Variants in PCDHGB6 observed in about 807,000 individuals in gnomAD.
PCDHGB6 encodes protocadherin gamma subfamily B, 6, also known as protocadherin gamma-B6.
A neutral mutation model predicts 59.1 loss-of-function variants in PCDHGB6; 51 were observed. That is an observed-to-expected ratio of 0.86 (90% CI 0.69 to 1.09). The LOEUF is 1.09. Among genes scored for constraint, PCDHGB6 ranks in the 50% least tolerant of loss-of-function variants. The pLI is 0.00. For missense variants in PCDHGB6, 1,148 were observed against 1,205.1 expected, an observed-to-expected ratio of 0.95 and a Z score of 0.70; for synonymous variants, 466 against 495.1, an observed-to-expected ratio of 0.94 and a Z score of 0.78.
rs771088007 is a variant in PCDHGB6, at chr5:141,423,000, G to A, written c.2418+12380G>A. On this transcript the variant is annotated intron_variant, in intron 1 of 3. Transcript: ENST00000520790. ...CGGAACCTGGCTACCTGGTGACCAA[G>A]GTGGTTGCGGTGGACAAAGATTCAG... The A allele has an allele frequency of 9.3e-6, 15 of 1,614,116 alleles. No homozygotes were observed. The African/African-American group carries it at 1.9e-4, about 20-fold the overall frequency.
intron 1 of PCDHGB6, among the ~76,000 whole-genome samples, chr5:141,443,726 TAC>T: frequency 6.6e-6 from 1 of 152,262 alleles, no homozygotes; most frequent in Admixed American, 6.5e-5. Flanking sequence ...AAATTCCTCA[TAC>T]ATTTCCCTAT....
intron 1 of PCDHGB6, among the ~76,000 whole-genome samples, chr5:141,436,538 A>G (rs1353206648): frequency 6.6e-6 from 1 of 152,194 alleles, no homozygotes; most frequent in Admixed American, 6.5e-5. Context: ...CAAGTTATTT[A>G]ATCTCTTTGA....
rs1347087103 is a variant in PCDHGB6 at position 141,409,851 on chromosome 5, T to C, written c.1649T>C (p.Val550Ala). 4 of 1,612,112 alleles carry C rather than the reference T, an allele frequency of 2.5e-6. No homozygotes were observed. In the Admixed American group the frequency reaches 6.7e-5, roughly 27 times the overall value. Residue 550 changes from valine to alanine, a missense_variant, in exon 1 of 4, where the codon GTG (valine) becomes GCG (alanine). Val to Ala is a moderately conservative substitution (Grantham distance 64). Transcript: ENST00000520790. ...PTLSANVSLR[V>A]LVGDRNDNAP... is the part of the protein sequence containing the mutation. ...CTCAGCGCCAACGTGAGCCTGCGCG[T>C]GTTGGTGGGAGACCGCAATGACAAC...
chr5:141,496,163 A>T (rs1249396595), intron 2 of PCDHGB6, among the ~76,000 whole-genome samples: 2 of 150,100 alleles, frequency 1.3e-5, no homozygotes, highest in Non-Finnish European at 3.0e-5. Flanking sequence ...TCCACCAGAC[A>T]CCCTCCCATC....
intron 1 of PCDHGB6, among the ~76,000 whole-genome samples, chr5:141,450,487 G>A (rs1379694010): frequency 1.3e-5 from 2 of 151,938 alleles, no homozygotes; most frequent in African/African-American, 2.4e-5. Context: ...TTGTTTGTTT[G>A]TCTGTTTGTT....
intron 1 of PCDHGB6, among the ~76,000 whole-genome samples, chr5:141,430,014 G>A (rs925858697): frequency 6.6e-6 from 1 of 152,130 alleles, no homozygotes; most frequent in South Asian, 2.1e-4. Context: ...TTTCACTTGG[G>A]TTCTTGTTAA....
At chr5:141,495,257 A>T (rs1411983517) in intron 2 of PCDHGB6, among the ~76,000 whole-genome samples, 1 of 152,200 alleles carries the variant, frequency 6.6e-6, no homozygotes, top group Non-Finnish European at 1.5e-5. Context: ...CTCAGGCAGA[A>T]AAGCATTTGA....
At chr5:141,460,456 T>C (rs2098989632) in intron 1 of PCDHGB6, among the ~76,000 whole-genome samples, 1 of 152,124 alleles carries the variant, frequency 6.6e-6, no homozygotes, top group South Asian at 2.1e-4. Flanking sequence ...AAGATTCATA[T>C]TTTTTTCCAA....
Position 141,490,311 on chromosome 5 carries a change from C to T in PCDHGB6, c.2419-4496C>T. 6.2e-7 allele frequency: 1 copy of T among 1,614,200 alleles called. No individual in the cohort carries two copies. The highest frequency in any genetic ancestry group is 8.5e-7 in the Non-Finnish European group (1 of 1,180,018). On this transcript the variant is annotated intron_variant, in intron 1 of 3. Coordinates refer to ENST00000520790, the MANE Select transcript of PCDHGB6 (RefSeq NM_018926.3). This position sits in a 1 kb window ranked among gnomAD's most constrained non-coding sequence, Gnocchi z 5.4. ...AGGTGCTATTGGCCTCTTTGGCCAA[C>T]CCTGTCCTAGAGAGCACACCAGTGG...
At chr5:141,421,352 A>T in intron 1 of PCDHGB6, 1 of 1,613,946 alleles carries the variant, frequency 6.2e-7, no homozygotes, top group Non-Finnish European at 8.5e-7. Context: ...GAGACCGAAA[A>T]GGGCTCCTTC....
Position 141,477,914 on chromosome 5 carries a change from G to T in PCDHGB6, c.2419-16893G>T. On this transcript the variant is annotated intron_variant, in intron 1 of 3. Coordinates refer to ENST00000520790, the MANE Select transcript of PCDHGB6 (RefSeq NM_018926.3). The surrounding 1 kb of genome is among the most constrained non-coding windows in gnomAD (Gnocchi z 4.9). ...ACGGGTGGTAGGCTGGGACGCGGAT[G>T]CAGGGCACAATGCCTGGCTCTCCTA... 2 of 1,614,204 alleles carry T rather than the reference G, an allele frequency of 1.2e-6. No homozygotes were observed. The highest frequency in any genetic ancestry group is 1.7e-6 in the Non-Finnish European group (2 of 1,180,044).
Position 141,408,526 on chromosome 5 carries a change from T to C in PCDHGB6, c.324T>C (p.Ala108=). 1.9e-6 allele frequency: 3 copies of C among 1,614,028 alleles called. No homozygotes were observed. Among genetic ancestry groups the C allele is most frequent in the Non-Finnish European group, 2.5e-6 (3 of 1,179,902 alleles). The change falls in exon 1 of 4, where the codon GCT becomes GCC. Residue 108 remains alanine, a synonymous_variant. Transcript: ENST00000520790. ...GAAGATGTGAGTTGCAATTGGAAGC[T>C]GTGGTGGAAAATCCTTTAAATATTT... is the stretch of plus-strand genomic sequence containing the variant. The part of the protein sequence containing the change: ...ERRRCELQLE[A]VVENPLNIFH...
chr5:141,511,276 T>A lies in PCDHGB6; in HGVS notation c.*103T>A. ...AGAGTTTCAGGGCTAACCCCCAGAA[T>A]ACTGGTAGGGGCCAAGGCCATGCTC... On this transcript the variant is annotated 3_prime_UTR_variant, in exon 4 of 4. Coordinates refer to ENST00000520790, the MANE Select transcript of PCDHGB6 (RefSeq NM_018926.3). 6.5e-7 allele frequency: 1 copy of A among 1,538,086 alleles called. No homozygotes were observed. Among genetic ancestry groups the A allele is most frequent in the Non-Finnish European group, 8.8e-7 (1 of 1,140,722 alleles).
At chr5:141,469,233 C>T (rs2099194657) in intron 1 of PCDHGB6, among the ~76,000 whole-genome samples, 1 of 149,878 alleles carries the variant, frequency 6.7e-6, no homozygotes, top group African/African-American at 2.5e-5. Context: ...GCCATGATCA[C>T]CCCACTGCAC....
chr5:141,455,924 G>A (rs2098837630), intron 1 of PCDHGB6, among the ~76,000 whole-genome samples: 1 of 149,978 alleles, frequency 6.7e-6, no homozygotes. Flanking sequence ...TTGAGACGGA[G>A]TCTCGCTCTG....
At position 141,431,776 on chromosome 5, in the gene PCDHGB6, C is replaced by A; in HGVS notation, c.2418+21156C>A. Reference sequence around the variant, plus strand: ...CCAAAGTCCTGATCACTGTTCTGGACGTGAACGACAATGCCCCAGAAGTGG... The same window carrying A: ...CCAAAGTCCTGATCACTGTTCTGGAAGTGAACGACAATGCCCCAGAAGTGG... On this transcript the variant is annotated intron_variant, in intron 1 of 3. Coordinates refer to ENST00000520790, the MANE Select transcript of PCDHGB6 (RefSeq NM_018926.3). The surrounding 1 kb of genome is among the most constrained non-coding windows in gnomAD (Gnocchi z 4.8). The A allele has an allele frequency of 6.2e-7, 1 of 1,614,228 alleles. No homozygotes were observed. The highest frequency in any genetic ancestry group is 8.5e-7 in the Non-Finnish European group (1 of 1,180,044).
chr5:141,456,122 C>A (rs1411002229), intron 1 of PCDHGB6, among the ~76,000 whole-genome samples: 1 of 152,176 alleles, frequency 6.6e-6, no homozygotes, highest in East Asian at 1.9e-4. Context: ...TGGTCTCCAT[C>A]TCCTGACCTC....
Position 141,443,030 on chromosome 5 carries a change from C to A in PCDHGB6, c.2418+32410C>A, listed in dbSNP as rs147317486. ...ATATGACTAATGGAAGTTGCCAGAC[C>A]TAAACTTTGAAAATTATTGTTCCAC... On this transcript the variant is annotated intron_variant, in intron 1 of 3. Transcript: ENST00000520790. Among the ~76,000 whole-genome samples, 31 of 152,290 alleles carry A rather than the reference C, an allele frequency of 2.0e-4. No individual in the cohort carries two copies. The East Asian group carries it at 3.5e-3, about 17-fold the overall frequency.
chr5:141,483,946 T>C (rs374723616), intron 1 of PCDHGB6, among the ~76,000 whole-genome samples: 127 of 148,696 alleles, frequency 8.5e-4, no homozygotes, highest in Non-Finnish European at 1.5e-3. Flanking sequence ...ACGGTGTGAA[T>C]TGTGTTGTGT....
Sources: gnomAD v4.1 joint callset for allele counts (sites outside exome capture counted in the v4.1 genomes callset) on GRCh38, gnomAD v4.1.1 for gene constraint, Gnocchi (gnomAD v3.1) non-coding constraint, MANE v1.5 for transcripts, NCBI Gene and HGNC (gene_info 2026-07-23, HGNC 2026-07-21) for gene names.